Variants in UNC13C observed in about 807,000 individuals in gnomAD.
UNC13C encodes the protein protein unc-13 homolog C.
In UNC13C, 174 loss-of-function variants were observed where a neutral mutation model predicts 245.4. The observed-to-expected ratio is 0.71, with a 90% CI of 0.63 to 0.80. The LOEUF is 0.80. Ranked by LOEUF, UNC13C falls within the 30% of genes least tolerant of loss-of-function variation. The pLI is 0.00. For synonymous variants in UNC13C, 992 were observed against 895.1 expected (o/e 1.11, Z -1.93); for missense variants, 2,829 against 2,602.9 (o/e 1.09, Z -1.89).
intron 19 of UNC13C, among the ~76,000 whole-genome samples, chr15:54,421,458 G>A (rs186414683): frequency 9.9e-5 from 15 of 152,114 alleles, no homozygotes; most frequent in Admixed American, 3.3e-4. Flanking sequence ...GCTTGCTAGA[G>A]CAGTGATTAT....
At chr15:53,947,891 A>T in the UNC13C span, 1 of 152,240 alleles carries the variant, frequency 6.6e-6, no homozygotes, top group African/African-American at 2.4e-5. Context: ...TATATGTGGT[A>T]TCACAATGAC....
intron 8 of UNC13C, 51 bp downstream of exon 8, chr15:54,250,495 C>T: frequency 2.0e-6 from 3 of 1,495,930 alleles, no homozygotes; most frequent in Non-Finnish European, 9.0e-7. Context: ...TGCCTTATTC[C>T]ATCTGTTTCA....
chr15:54,338,578 A>G (rs1479477135), intron 17 of UNC13C, 89 bp downstream of exon 17: 1 of 1,414,986 alleles, frequency 7.1e-7, no homozygotes, highest in Non-Finnish European at 9.6e-7. Context: ...ATAGAAAAGT[A>G]TGTTCATTTA....
intron 17 of UNC13C, among the ~76,000 whole-genome samples, chr15:54,369,309 T>TAGAC (rs1165286211): frequency 6.6e-6 from 1 of 152,116 alleles, no homozygotes; most frequent in Non-Finnish European, 1.5e-5. Flanking sequence ...ATTCGTAGAC[T>TAGAC]TTCTCCCACA....
intron 2 of UNC13C, among the ~76,000 whole-genome samples, chr15:54,080,174 T>C (rs900545293): frequency 2.6e-5 from 4 of 152,024 alleles, no homozygotes; most frequent in African/African-American, 9.7e-5. Flanking sequence ...TAAAATCCAC[T>C]TGATTGTGAT....
At chr15:53,930,035 T>G in the UNC13C span, among the ~76,000 whole-genome samples, 5 of 152,178 alleles carry the variant, frequency 3.3e-5, no homozygotes, top group Non-Finnish European at 7.3e-5. Context: ...GAGTGGTCCT[T>G]CTGCTCTGGT....
At chr15:54,089,686 A>T (rs1443226653) in intron 2 of UNC13C, among the ~76,000 whole-genome samples, 3 of 144,762 alleles carry the variant, frequency 2.1e-5, no homozygotes, top group Non-Finnish European at 4.5e-5. Context: ...TTCCCACAAC[A>T]TGCATCCCTT....
At chr15:54,225,061 G>T (rs34079503) in intron 4 of UNC13C, among the ~76,000 whole-genome samples, 20,925 of 133,592 alleles carry the variant, frequency 0.16, 1,577 homozygotes, top group Non-Finnish European at 0.17. Context: ...TTGGCTAAAG[G>T]TTGTAAGTTT....
intron 4 of UNC13C, among the ~76,000 whole-genome samples, chr15:54,157,934 T>C (rs185445389): frequency 6.6e-6 from 1 of 152,320 alleles, no homozygotes; most frequent in Admixed American, 6.5e-5. Context: ...TATCTACTCC[T>C]AATGGTCTTC....
intron 30 of UNC13C, among the ~76,000 whole-genome samples, chr15:54,586,138 A>C (rs1031844824): frequency 1.3e-5 from 2 of 152,190 alleles, no homozygotes; most frequent in African/African-American, 4.8e-5. Flanking sequence ...CAAAAGACTA[A>C]GTTAGCTTTT....
intron 4 of UNC13C, among the ~76,000 whole-genome samples, chr15:54,184,365 C>G (rs12102266): frequency 0.085 from 12,858 of 151,996 alleles, 763 homozygotes; most frequent in African/African-American, 0.16. Context: ...GTGCTGCACC[C>G]ATTAACTCGT....
At chr15:54,559,435 G>A (rs1897214043) in intron 29 of UNC13C, among the ~76,000 whole-genome samples, 1 of 151,812 alleles carries the variant, frequency 6.6e-6, no homozygotes, top group Admixed American at 6.6e-5. Context: ...CTTTTGCCTT[G>A]GTTAAAATCC....
upstream of UNC13C, among the ~76,000 whole-genome samples, chr15:53,973,487 G>A (rs11071013): frequency 0.35 from 53,701 of 151,578 alleles, 11,083 homozygotes; most frequent in Middle Eastern, 0.51. Flanking sequence ...AATAGTACTT[G>A]CTAAAGCCCA....
intron 19 of UNC13C, among the ~76,000 whole-genome samples, chr15:54,417,513 C>T (rs1342755287): frequency 6.6e-6 from 1 of 152,110 alleles, no homozygotes; most frequent in Admixed American, 6.5e-5. Context: ...TTAAAACTTA[C>T]TCTAAATCTA....
chr15:54,203,503 T>C (rs143619523), intron 4 of UNC13C, among the ~76,000 whole-genome samples: 12,050 of 135,192 alleles, frequency 0.089, 744 homozygotes, highest in African/African-American at 0.18. Context: ...TATATATATA[T>C]ACACACACAC....
chr15:54,472,642 A>G (rs1051289079), intron 19 of UNC13C, among the ~76,000 whole-genome samples: 39 of 151,870 alleles, frequency 2.6e-4, no homozygotes, highest in African/African-American at 9.4e-4. Flanking sequence ...CTTTTTTCTG[A>G]AAAACAGAGT....
At chr15:53,967,214 AT>A in the UNC13C span, among the ~76,000 whole-genome samples, 1 of 152,032 alleles carries the variant, frequency 6.6e-6, no homozygotes. Context: ...CTGAGGGGAT[AT>A]CATTATGCTT....
intron 2 of UNC13C, among the ~76,000 whole-genome samples, chr15:54,141,687 G>T (rs1238302297): frequency 6.6e-6 from 1 of 151,630 alleles, no homozygotes; most frequent in Admixed American, 6.6e-5. Context: ...CTTGAATATG[G>T]TATATTATTC....
chr15:54,096,034 G>T (rs1394839848), intron 2 of UNC13C, among the ~76,000 whole-genome samples: 1 of 152,186 alleles, frequency 6.6e-6, no homozygotes, highest in Non-Finnish European at 1.5e-5. Flanking sequence ...ACTAGAAAGA[G>T]AGCATGTGAA....
Sources: gnomAD v4.1 joint callset for allele counts (sites outside exome capture counted in the v4.1 genomes callset) on GRCh38, gnomAD v4.1.1 for gene constraint, MANE v1.5 for transcripts, NCBI Gene and HGNC (gene_info 2026-07-23, HGNC 2026-07-21) for gene names.